The following LRIG3 variants were observed in gnomAD, a reference collection of about 807,000 sequenced individuals.
LRIG3 encodes leucine rich repeats and immunoglobulin like domains 3, also known as leucine-rich repeats and immunoglobulin-like domains protein 3.
Under a neutral mutation model 114.5 loss-of-function variants are expected in LRIG3, and 76 were observed. That is an observed-to-expected ratio of 0.66 (90% confidence interval 0.55 to 0.80). The LOEUF (loss-of-function observed/expected upper bound fraction) is 0.80, where lower values mean the gene tolerates loss of function less well. Ranked by LOEUF, LRIG3 falls within the 30% of genes least tolerant of loss-of-function variation. LRIG3 has a pLI of 0.00. For synonymous variants in LRIG3, 512 were observed against 519.8 expected (o/e 0.98, Z 0.20); for missense variants, 1,239 against 1,382.8 (o/e 0.90, Z 1.65).
intron 1 of LRIG3, 129 bp from the exon 2 acceptor site, chr12:58,914,465 A>G (rs770467487): frequency 1.5e-6 from 1 of 652,014 alleles, no homozygotes; most frequent in African/African-American, 1.8e-5. Context: ...CTGTCCACAA[A>G]CTAGATGGCA....
chr12:58,907,514 C>T (rs968876200), intron 3 of LRIG3, among the ~76,000 whole-genome samples: 13 of 152,300 alleles, frequency 8.5e-5, no homozygotes, highest in African/African-American at 2.9e-4. Flanking sequence ...CTTTGGCCCA[C>T]TGCCTCCAGT....
intron 4 of LRIG3, 87 bp from the exon 5 acceptor site, chr12:58,890,226 G>A (rs1871410051): frequency 1.4e-6 from 2 of 1,403,158 alleles, no homozygotes; most frequent in East Asian, 4.7e-5. Flanking sequence ...GGAGTCTCCA[G>A]AGAACTTAAC....
At chr12:58,892,945 T>C (rs1871506601) in intron 3 of LRIG3, among the ~76,000 whole-genome samples, 1 of 152,222 alleles carries the variant, frequency 6.6e-6, no homozygotes, top group African/African-American at 2.4e-5. Flanking sequence ...AAAAGGCCGC[T>C]ACTTCCCACC....
At chr12:58,884,189 A>C (rs1465688574) in intron 10 of LRIG3, among the ~76,000 whole-genome samples, 5 of 152,246 alleles carry the variant, frequency 3.3e-5, no homozygotes, top group Admixed American at 3.3e-4. Context: ...ACATAAACGC[A>C]GTAAGATGTT....
At chr12:58,894,316 A>T (rs1208771228) in intron 3 of LRIG3, among the ~76,000 whole-genome samples, 1 of 152,234 alleles carries the variant, frequency 6.6e-6, no homozygotes, top group African/African-American at 2.4e-5. Context: ...TATCACAAAA[A>T]TTTAAATCTG....
intron 15 of LRIG3, among the ~76,000 whole-genome samples, 172 bp downstream of exon 15, chr12:58,877,228 T>A (rs1592292941): frequency 1.3e-5 from 2 of 152,230 alleles, no homozygotes; most frequent in African/African-American, 4.8e-5. Context: ...TCTTTAAACA[T>A]CAGCTTTATT....
At position 58,890,108 on chromosome 12, in the gene LRIG3, C is replaced by T; in HGVS notation, c.547G>A (p.Glu183Lys). ...YLNSNRVTSM[E>K]PGYFDNLANT... ...GCCAAATTGTCAAAATACCCAGGTT[C>T]CATTGATGTGACTCGGTTGCTGTTG... Residue 183 changes from glutamate (E) to lysine (K), a missense_variant, in exon 5 of 19, where the codon GAA becomes AAA. By Grantham distance (56) the Glu-to-Lys change is moderately conservative. Coordinates refer to ENST00000320743, the MANE Select transcript of LRIG3 (RefSeq NM_153377.5). 6.2e-7 allele frequency: 1 copy of T among 1,613,762 alleles called. No homozygotes were observed. Among genetic ancestry groups the T allele is most frequent in the Non-Finnish European group, 8.5e-7 (1 of 1,179,794 alleles).
At chr12:58,919,823 G>T (rs1437459915) in intron 1 of LRIG3, among the ~76,000 whole-genome samples, 177 bp downstream of exon 1, 1 of 152,200 alleles carries the variant, frequency 6.6e-6, no homozygotes, top group Admixed American at 6.5e-5. Context: ...ACGTGGGAGG[G>T]AAACTGAGGC....
chr12:58,878,767 A>G, intron 14 of LRIG3, 57 bp downstream of exon 14: 1 of 1,547,380 alleles, frequency 6.5e-7, no homozygotes, highest in African/African-American at 1.4e-5. Flanking sequence ...GGGACCTTGG[A>G]TGAGCTAGTA....
At chr12:58,916,655 C>T (rs1004472226) in intron 1 of LRIG3, among the ~76,000 whole-genome samples, 4 of 152,128 alleles carry the variant, frequency 2.6e-5, no homozygotes, top group Non-Finnish European at 4.4e-5. Context: ...ATCTTCCCCA[C>T]AAAACTTTTA....
At chr12:58,885,331 T>C (rs1217745953) in intron 10 of LRIG3, among the ~76,000 whole-genome samples, 2 of 152,204 alleles carry the variant, frequency 1.3e-5, no homozygotes, top group Non-Finnish European at 2.9e-5. Context: ...TTAAGGATTG[T>C]GGAACATTGT....
intron 1 of LRIG3, among the ~76,000 whole-genome samples, chr12:58,916,967 T>G (rs1012792948): frequency 6.6e-5 from 10 of 152,192 alleles, no homozygotes; most frequent in African/African-American, 2.4e-4. Flanking sequence ...CCTGCAGAGC[T>G]GCTAATTCAG....
chr12:58,879,637 T>G (rs1871051335), intron 13 of LRIG3, among the ~76,000 whole-genome samples: 1 of 152,218 alleles, frequency 6.6e-6, no homozygotes, highest in South Asian at 2.1e-4. Flanking sequence ...CAGATACAGA[T>G]AGTTAAATGA....
chr12:58,914,450 C>G (rs1305310337), intron 1 of LRIG3, 114 bp from the exon 2 acceptor site: 2 of 755,296 alleles, frequency 2.6e-6, no homozygotes, highest in Admixed American at 2.7e-5. Flanking sequence ...AATAATTGGT[C>G]TATTCTGTCC....
In LRIG3 at chr12:58,879,118, A is replaced by C; in HGVS notation, c.1802-13T>G. The stretch of plus-strand genomic sequence containing the variant: ...AATGAGGGAAGCACTGAAATCAGAG[A>C]AACAATATAGGCATTAGCACAGTGG... On this transcript the variant is annotated splice_polypyrimidine_tract_variant and intron_variant, in intron 13 of 18. Transcript: ENST00000320743. The C allele has an allele frequency of 1.2e-6, 2 of 1,606,478 alleles. No homozygotes were observed. The highest frequency in any genetic ancestry group is 1.7e-6 in the Non-Finnish European group (2 of 1,175,470).
At chr12:58,912,633 A>C (rs1330993952) in intron 3 of LRIG3, among the ~76,000 whole-genome samples, 1 of 152,236 alleles carries the variant, frequency 6.6e-6, no homozygotes, top group East Asian at 1.9e-4. Context: ...ACTGCACTGC[A>C]GATCCTCTCA....
Position 58,920,491 on chromosome 12 carries a change from C to T in LRIG3, c.-256G>A. 2.8e-6 allele frequency: 1 copy of T among 357,840 alleles called. No individual in the cohort carries two copies. Among genetic ancestry groups the T allele is most frequent in the East Asian group, 4.2e-5 (1 of 24,002 alleles). The allele number at this position is 357,840 out of a possible 1,614,324, so 22.2% of individuals were successfully genotyped here. ...TTGAGCAGCGTCGGCTCGCCGAAGC[C>T]CCTTCTTGTCTGCAAAAGAAACTTT... On this transcript the variant is annotated 5_prime_UTR_variant, in exon 1 of 19. Transcript: ENST00000320743.
intron 4 of LRIG3, 76 bp from the exon 5 acceptor site, chr12:58,890,215 A>G: frequency 6.8e-7 from 1 of 1,479,894 alleles, no homozygotes. Flanking sequence ...CTGTATTAGA[A>G]GGAGTCTCCA....
At chr12:58,897,235 T>C (rs1315413024) in intron 3 of LRIG3, among the ~76,000 whole-genome samples, 1 of 152,222 alleles carries the variant, frequency 6.6e-6, no homozygotes, top group Non-Finnish European at 1.5e-5. Context: ...AGACAGATTC[T>C]TGATGAAGAA....
Sources: allele counts gnomAD v4.1 joint callset (sites outside exome capture counted in the v4.1 genomes callset), GRCh38; gene constraint gnomAD v4.1.1; transcripts MANE v1.5; gene names NCBI Gene and HGNC (gene_info 2026-07-23, HGNC 2026-07-21).